Variants in KIF16B observed in about 807,000 individuals in gnomAD.
The protein encoded by KIF16B is kinesin-like protein KIF16B.
KIF16B carries 98 observed loss-of-function variants against 156.3 expected under a neutral mutation model. That is an observed-to-expected ratio of 0.63 (90% CI 0.53 to 0.74). The LOEUF is 0.74. Ranked by LOEUF, KIF16B falls within the 30% of genes least tolerant of loss-of-function variation. The probability of loss-of-function intolerance (pLI) is 0.00; values close to 1 mark genes in which losing one functional copy is unlikely to be tolerated. For synonymous variants in KIF16B, 564 were observed against 583.7 expected, an observed-to-expected ratio of 0.97 and a Z score of 0.49; for missense variants, 1,421 against 1,606.5, an observed-to-expected ratio of 0.88 and a Z score of 1.97.
chr20:16,494,219 T>TAAAA, intron 12 of KIF16B, 72 bp downstream of exon 12: 2 of 749,990 alleles, frequency 2.7e-6, no homozygotes, highest in Non-Finnish European at 4.2e-6. Context: ...GTTTGGAGAT[T>TAAAA]AAAAAAAAAA....
intron 15 of KIF16B, among the ~76,000 whole-genome samples, chr20:16,414,804 C>G (rs2066046125): frequency 6.6e-6 from 1 of 152,220 alleles, no homozygotes; most frequent in South Asian, 2.1e-4. Flanking sequence ...AAAAAGAGCA[C>G]AGACATCCCC....
At chr20:16,496,628 C>A (rs1031005215) in intron 11 of KIF16B, among the ~76,000 whole-genome samples, 1 of 152,202 alleles carries the variant, frequency 6.6e-6, no homozygotes, top group South Asian at 2.1e-4. Context: ...CAAATTAATA[C>A]GTTTATTAGT....
chr20:16,545,369 TA>T (rs1295462522), intron 1 of KIF16B, among the ~76,000 whole-genome samples: 266 of 135,578 alleles, frequency 2.0e-3, no homozygotes, highest in Non-Finnish European at 2.0e-3. Flanking sequence ...CATCTCTATT[TA>T]AAAAAAAAAA....
chr20:16,305,292 A>C (rs1163312930), intron 25 of KIF16B, among the ~76,000 whole-genome samples: 1 of 152,210 alleles, frequency 6.6e-6, no homozygotes, highest in Non-Finnish European at 1.5e-5. Flanking sequence ...CTAAAAATAA[A>C]AAAAAAGACC....
intron 12 of KIF16B, among the ~76,000 whole-genome samples, chr20:16,443,398 T>C (rs1163371716): frequency 6.6e-6 from 1 of 152,148 alleles, no homozygotes; most frequent in African/African-American, 2.4e-5. Context: ...ACTGAATAAA[T>C]TGTCCTCTAT....
chr20:16,364,728 A>T (rs2064623911), intron 22 of KIF16B, among the ~76,000 whole-genome samples: 2 of 152,248 alleles, frequency 1.3e-5, no homozygotes. Context: ...AAGTATGCTT[A>T]GGTGAGAGAA....
chr20:16,367,293 C>T (rs747746131), intron 22 of KIF16B: 89 of 1,612,702 alleles, frequency 5.5e-5, no homozygotes, highest in Non-Finnish European at 7.4e-5. Context: ...CCTGAAGGTG[C>T]TCAGGTGGAC....
In KIF16B at chr20:16,519,879, G is replaced by A. The variant is rs560011635; in HGVS notation, c.232-4215C>T. 1.6e-4 allele frequency among the ~76,000 whole-genome samples: 24 copies of A among 152,342 alleles called. No homozygotes were observed. The South Asian group carries it at 1.9e-3, about 12-fold the overall frequency. On this transcript the variant is annotated intron_variant, in intron 3 of 25. Transcript: ENST00000354981. ...TGTAGCCCACAGAGGGTGAGCAGAT[G>A]CAGGGTTGAGCACCGCCTCACCCCG...
At chr20:16,376,886 T>A (rs897102816) in intron 19 of KIF16B, among the ~76,000 whole-genome samples, 2 of 152,338 alleles carry the variant, frequency 1.3e-5, no homozygotes, top group African/African-American at 4.8e-5. Flanking sequence ...TTACATAACA[T>A]ACCTGCAATC....
At chr20:16,452,617 C>T (rs1340958167) in intron 12 of KIF16B, among the ~76,000 whole-genome samples, 2 of 152,018 alleles carry the variant, frequency 1.3e-5, no homozygotes, top group East Asian at 1.9e-4. Flanking sequence ...GGGTGGATCA[C>T]GAGGTCAGGA....
intron 25 of KIF16B, among the ~76,000 whole-genome samples, chr20:16,280,378 G>C (rs946925632): frequency 6.6e-6 from 1 of 152,202 alleles, no homozygotes; most frequent in Non-Finnish European, 1.5e-5. Context: ...AGGGAAGGAG[G>C]GGTGGTGTCC....
intron 12 of KIF16B, among the ~76,000 whole-genome samples, chr20:16,460,197 A>G (rs2067309768): frequency 6.6e-6 from 1 of 152,192 alleles, no homozygotes; most frequent in Admixed American, 6.5e-5. Context: ...GTTGGCTTCA[A>G]AGTAACAAAA....
chr20:16,492,903 T>C (rs1239488792), intron 12 of KIF16B, among the ~76,000 whole-genome samples: 2 of 152,162 alleles, frequency 1.3e-5, no homozygotes, highest in African/African-American at 2.4e-5. Context: ...GCATGAAAAG[T>C]CAAATGACTT....
At chr20:16,457,743 G>A (rs577354065) in intron 12 of KIF16B, among the ~76,000 whole-genome samples, 4 of 151,946 alleles carry the variant, frequency 2.6e-5, no homozygotes, top group Admixed American at 2.0e-4. Context: ...TCATAGTAAG[G>A]CCTGCCCTAG....
At chr20:16,288,881 C>G (rs530681928) in intron 25 of KIF16B, among the ~76,000 whole-genome samples, 1 of 149,886 alleles carries the variant, frequency 6.7e-6, no homozygotes, top group East Asian at 2.0e-4. Flanking sequence ...TTAGTAAACA[C>G]AGTACGTACT....
chr20:16,369,602 T>A (rs1020290396), intron 22 of KIF16B, among the ~76,000 whole-genome samples: 1 of 152,144 alleles, frequency 6.6e-6, no homozygotes, highest in Non-Finnish European at 1.5e-5. Flanking sequence ...GTTTAGAAGG[T>A]CAAATTTAGT....
At chr20:16,298,052 G>A (rs2122566083) in intron 25 of KIF16B, among the ~76,000 whole-genome samples, 1 of 152,310 alleles carries the variant, frequency 6.6e-6, no homozygotes, top group Non-Finnish European at 1.5e-5. Context: ...GAGATGGCTT[G>A]TGGAATCTGG....
At chr20:16,286,924 A>G (rs1182061234) in intron 25 of KIF16B, among the ~76,000 whole-genome samples, 1 of 152,202 alleles carries the variant, frequency 6.6e-6, no homozygotes, top group African/African-American at 2.4e-5. Context: ...GTGACTTGAG[A>G]GCCCCAGCTG....
chr20:16,374,119 G>A, intron 20 of KIF16B, 138 bp downstream of exon 20: 2 of 825,782 alleles, frequency 2.4e-6, no homozygotes, highest in South Asian at 7.9e-5. Context: ...GGCAGATGAA[G>A]GCAGAGCACA....
Sources: gnomAD v4.1 joint callset for allele counts (sites outside exome capture counted in the v4.1 genomes callset) on GRCh38, gnomAD v4.1.1 for gene constraint, MANE v1.5 for transcripts, NCBI Gene and HGNC (gene_info 2026-07-23, HGNC 2026-07-21) for gene names.